POLN: variants seen among roughly 807,000 people sequenced by gnomAD.
POLN encodes the protein DNA polymerase nu.
POLN carries 108 observed loss-of-function variants against 113.5 expected under a neutral mutation model. That is an observed-to-expected ratio of 0.95 (90% CI 0.81 to 1.12). POLN has a LOEUF of 1.12. Ranked by LOEUF, POLN falls within the 50% of genes most tolerant of loss-of-function variation. The pLI, the probability that POLN is intolerant of heterozygous loss-of-function variation, is 0.00. For missense variants in POLN, 1,097 were observed against 1,077.1 expected, an observed-to-expected ratio of 1.02 and a Z score of -0.26; for synonymous variants, 386 against 391.5, an observed-to-expected ratio of 0.99 and a Z score of 0.17.
At chr4:2,076,077 C>T (rs1219248179) in intron 23 of POLN, among the ~76,000 whole-genome samples, 1 of 152,184 alleles carries the variant, frequency 6.6e-6, no homozygotes, top group Non-Finnish European at 1.5e-5. Context: ...CCCACCCTTC[C>T]CCAGCCTCCT....
chr4:2,133,623 G>A (rs1731782629), intron 16 of POLN, among the ~76,000 whole-genome samples: 1 of 152,174 alleles, frequency 6.6e-6, no homozygotes, highest in Admixed American at 6.5e-5. Context: ...TAGCAGAATT[G>A]TTCACCTGTA....
intron 16 of POLN, among the ~76,000 whole-genome samples, chr4:2,141,669 C>T (rs772064889): frequency 1.3e-5 from 2 of 152,250 alleles, no homozygotes; most frequent in Non-Finnish European, 2.9e-5. Flanking sequence ...TCCCTGTGCA[C>T]CTGGCTTTTG....
chr4:2,233,474 T>C (rs1334559295), intron 2 of POLN, among the ~76,000 whole-genome samples: 1 of 152,126 alleles, frequency 6.6e-6, no homozygotes, highest in Non-Finnish European at 1.5e-5. Flanking sequence ...GAAATGAAGA[T>C]GCATCTTAAT....
chr4:2,105,663 G>A (rs1316653434), intron 19 of POLN, among the ~76,000 whole-genome samples: 1 of 152,022 alleles, frequency 6.6e-6, no homozygotes, highest in Non-Finnish European at 1.5e-5. Flanking sequence ...GCAGAGAGGG[G>A]GAGCTGAAAG....
At chr4:2,207,737 A>C (rs958991320) in intron 5 of POLN, among the ~76,000 whole-genome samples, 3 of 152,228 alleles carry the variant, frequency 2.0e-5, no homozygotes, top group Non-Finnish European at 2.9e-5. Context: ...ACATGTGTTG[A>C]CAAGGAGGTG....
At chr4:2,185,938 C>T (rs928210316) in intron 7 of POLN, among the ~76,000 whole-genome samples, 1 of 152,100 alleles carries the variant, frequency 6.6e-6, no homozygotes, top group African/African-American at 2.4e-5. Context: ...TGGTAGAACA[C>T]AAGAAAGCCG....
intron 2 of POLN, 43 bp downstream of exon 2, chr4:2,241,477 A>AG: frequency 1.0e-6 from 1 of 985,102 alleles, no homozygotes; most frequent in Non-Finnish European, 1.2e-6. Context: ...AAGAAGACGC[A>AG]AATAAGCATG....
At chr4:2,190,576 T>C (rs760137148) in intron 7 of POLN, among the ~76,000 whole-genome samples, 33 of 151,126 alleles carry the variant, frequency 2.2e-4, no homozygotes, top group African/African-American at 4.4e-4. Context: ...AAGGAAACAA[T>C]AGAGTGAACA....
chr4:2,207,918 C>T, intron 5 of POLN, 69 bp downstream of exon 5: 1 of 1,494,212 alleles, frequency 6.7e-7, no homozygotes, highest in Admixed American at 2.5e-5. Flanking sequence ...CTATCAAAAT[C>T]TGACACTAAG....
intron 20 of POLN, among the ~76,000 whole-genome samples, chr4:2,094,372 A>AAAAAAAAAAAAAAG (rs1553893365): frequency 4.0e-5 from 6 of 149,780 alleles, no homozygotes; most frequent in East Asian, 2.0e-4. Context: ...CCAAAAAAAA[A>AAAAAAAAAAAAAAG]AAAGAAAGAA....
At chr4:2,130,520 A>G (rs969872916) in intron 17 of POLN, among the ~76,000 whole-genome samples, 33 of 152,258 alleles carry the variant, frequency 2.2e-4, no homozygotes, top group Non-Finnish European at 4.8e-4. Context: ...ACAGCAGAAT[A>G]GCTTAAAAGA....
chr4:2,134,978 T>TC (rs1271061190), intron 16 of POLN, among the ~76,000 whole-genome samples: 1 of 152,086 alleles, frequency 6.6e-6, no homozygotes, highest in Non-Finnish European at 1.5e-5. Flanking sequence ...TGTGCACGCA[T>TC]CCCCCCAATA....
chr4:2,170,877 A>G, intron 12 of POLN, 103 bp from the exon 13 acceptor site: 1 of 1,074,406 alleles, frequency 9.3e-7, no homozygotes, highest in Non-Finnish European at 1.4e-6. Flanking sequence ...AGACACACCC[A>G]AACAGACATT....
intron 16 of POLN, among the ~76,000 whole-genome samples, chr4:2,142,301 T>C (rs1457276324): frequency 6.6e-6 from 1 of 152,216 alleles, no homozygotes; most frequent in East Asian, 1.9e-4. Flanking sequence ...TCTGAAGTAA[T>C]AGAGGCCTCA....
intron 2 of POLN, chr4:2,240,402 T>C (rs755865463): frequency 6.2e-7 from 1 of 1,612,572 alleles, no homozygotes; most frequent in Admixed American, 1.7e-5. Context: ...TAAATTAGAA[T>C]GTCTGAAGAA....
At chr4:2,198,471 G>C (rs2108759387) in intron 6 of POLN, 53 bp downstream of exon 6, 1 of 1,476,840 alleles carries the variant, frequency 6.8e-7, no homozygotes, top group Non-Finnish European at 9.1e-7. Flanking sequence ...GTTTCCATTA[G>C]TATAAAGCAG....
intron 3 of POLN, among the ~76,000 whole-genome samples, chr4:2,220,705 A>G (rs1053104306): frequency 1.3e-5 from 2 of 152,210 alleles, no homozygotes; most frequent in African/African-American, 2.4e-5. Context: ...GTAATGCCTT[A>G]AACATTCCCT....
chr4:2,213,671 C>G (rs949952238), intron 3 of POLN, among the ~76,000 whole-genome samples: 1 of 151,948 alleles, frequency 6.6e-6, no homozygotes, highest in Non-Finnish European at 1.5e-5. Flanking sequence ...CAATAACAAC[C>G]TGAAATGCAA....
In POLN at chr4:2,190,581, T is replaced by G. The variant is rs150652517; in HGVS notation, c.1021+2623A>C. ...CTGTACAGCAAAGGAAACAATAGAG[T>G]GAACAGACAACTCACAGAATGGAAG... On this transcript the variant is annotated intron_variant, in intron 7 of 25. Transcript: ENST00000511885. Among the ~76,000 whole-genome samples the G allele has an allele frequency of 1.7e-3, 253 of 149,860 alleles. 2 individuals carry two copies. Among genetic ancestry groups the G allele is most frequent in the African/African-American group, 5.9e-3 (240 of 40,606 alleles).
Sources: allele counts gnomAD v4.1 joint callset (sites outside exome capture counted in the v4.1 genomes callset), GRCh38; gene constraint gnomAD v4.1.1; transcripts MANE v1.5; gene names NCBI Gene and HGNC (gene_info 2026-07-23, HGNC 2026-07-21).